Variants in CDH13 observed in about 807,000 individuals in gnomAD.
CDH13 encodes cadherin-13.
A neutral mutation model predicts 63.8 loss-of-function variants in CDH13; 24 were observed. That is an observed-to-expected ratio of 0.38 (90% CI 0.27 to 0.53). The LOEUF is 0.53. Ranked by LOEUF, CDH13 falls within the 20% of genes least tolerant of loss-of-function variation. The pLI, the probability that CDH13 is intolerant of heterozygous loss-of-function variation, is 0.85. For missense variants in CDH13, 1,049 were observed against 903.1 expected (o/e 1.16, Z -2.07); for synonymous variants, 503 against 355.3 (o/e 1.42, Z -4.67).
chr16:83,442,284 C>G (rs1468535414), intron 6 of CDH13, among the ~76,000 whole-genome samples: 3 of 152,210 alleles, frequency 2.0e-5, no homozygotes, highest in Non-Finnish European at 4.4e-5. Flanking sequence ...AGGATCCCAT[C>G]AGCCTTGACG....
At chr16:83,108,606 A>G (rs1314695678) in intron 3 of CDH13, among the ~76,000 whole-genome samples, 1 of 152,120 alleles carries the variant, frequency 6.6e-6, no homozygotes, top group African/African-American at 2.4e-5. Context: ...TTATATAGAA[A>G]GAGTTGGTCG....
intron 8 of CDH13, among the ~76,000 whole-genome samples, chr16:83,645,519 T>C (rs1318058871): frequency 7.3e-6 from 1 of 137,874 alleles, no homozygotes; most frequent in Non-Finnish European, 1.5e-5. Flanking sequence ...TATACCCATA[T>C]AACAAACATG....
At chr16:83,484,633 C>T (rs2073845879) in intron 6 of CDH13, among the ~76,000 whole-genome samples, 1 of 152,216 alleles carries the variant, frequency 6.6e-6, no homozygotes, top group African/African-American at 2.4e-5. Flanking sequence ...CAACATCTTT[C>T]CCGATGACCA....
chr16:83,336,099 G>A (rs371283248), intron 5 of CDH13, among the ~76,000 whole-genome samples: 2 of 151,866 alleles, frequency 1.3e-5, no homozygotes, highest in Non-Finnish European at 2.9e-5. Flanking sequence ...TCAGGAGTTC[G>A]AGACCCGCCT....
chr16:83,128,679 G>C (rs1300520867), intron 4 of CDH13, among the ~76,000 whole-genome samples: 2 of 152,136 alleles, frequency 1.3e-5, no homozygotes, highest in African/African-American at 2.4e-5. Flanking sequence ...GGTATATTTG[G>C]GTGAATTTTC....
chr16:82,873,216 G>T (rs373319654), intron 2 of CDH13, among the ~76,000 whole-genome samples: 3 of 152,148 alleles, frequency 2.0e-5, no homozygotes, highest in East Asian at 1.9e-4. Context: ...GGGTTCTTCA[G>T]TTTGAGATAC....
At chr16:83,618,572 C>A (rs1909509839) in intron 8 of CDH13, among the ~76,000 whole-genome samples, 1 of 152,132 alleles carries the variant, frequency 6.6e-6, no homozygotes, top group Admixed American at 6.5e-5. Context: ...AACCCAGGCT[C>A]CAGCCCTGCA....
intron 4 of CDH13, among the ~76,000 whole-genome samples, chr16:83,165,124 C>T (rs1471453338): frequency 6.6e-6 from 1 of 151,680 alleles, no homozygotes; most frequent in African/African-American, 2.4e-5. Flanking sequence ...AGGGGTTGTC[C>T]TGTAAGAATT....
intron 6 of CDH13, among the ~76,000 whole-genome samples, chr16:83,356,252 G>A (rs1272883842): frequency 6.6e-6 from 1 of 150,872 alleles, no homozygotes; most frequent in Non-Finnish European, 1.5e-5. Context: ...GTGTGTGTGT[G>A]TGTGTGTGTG....
chr16:82,895,459 C>G (rs2041221326), intron 2 of CDH13, among the ~76,000 whole-genome samples: 1 of 152,174 alleles, frequency 6.6e-6, no homozygotes, highest in East Asian at 1.9e-4. Flanking sequence ...GAGTAAAGGC[C>G]CAGACTCACT....
intron 10 of CDH13, among the ~76,000 whole-genome samples, chr16:83,704,568 C>G (rs569985104): frequency 6.6e-6 from 1 of 152,316 alleles, no homozygotes; most frequent in African/African-American, 2.4e-5. Flanking sequence ...GCCCACAGCC[C>G]CGCTGCCACA....
intron 2 of CDH13, among the ~76,000 whole-genome samples, chr16:82,875,052 G>C (rs1406324862): frequency 6.6e-6 from 1 of 152,190 alleles, no homozygotes; most frequent in African/African-American, 2.4e-5. Context: ...AAGGCCTGGA[G>C]TCTGCACATG....
chr16:82,856,687 C>T (rs1171236499), intron 1 of CDH13, among the ~76,000 whole-genome samples: 5 of 57,460 alleles, frequency 8.7e-5, no homozygotes, highest in South Asian at 1.9e-3. Context: ...TGGCAAGACT[C>T]GGTCTCAAAA....
At chr16:83,714,048 C>G (rs1371809168) in intron 10 of CDH13, among the ~76,000 whole-genome samples, 1 of 151,816 alleles carries the variant, frequency 6.6e-6, no homozygotes, top group East Asian at 1.9e-4. Context: ...ATACCCATCG[C>G]TGGCCACTGG....
intron 1 of CDH13, among the ~76,000 whole-genome samples, chr16:82,690,634 A>C (rs760377817): frequency 6.6e-6 from 1 of 152,226 alleles, no homozygotes; most frequent in Admixed American, 6.5e-5. Context: ...AAAGCCTTTC[A>C]TATAGGTGAC....
At chr16:83,709,603 C>T (rs574323830) in intron 10 of CDH13, among the ~76,000 whole-genome samples, 1 of 152,228 alleles carries the variant, frequency 6.6e-6, no homozygotes, top group Non-Finnish European at 1.5e-5. Flanking sequence ...GCATAGAAAG[C>T]CAGTATTCCA....
intron 6 of CDH13, among the ~76,000 whole-genome samples, chr16:83,436,041 C>T (rs547126611): frequency 3.3e-5 from 5 of 152,142 alleles, no homozygotes; most frequent in Admixed American, 1.3e-4. Context: ...ATGCTAGTGG[C>T]GTCTCGCAGG....
rs557374299 is a variant in CDH13 at position 83,001,925 on chromosome 16, C to T, written c.158-30085C>T. ...GGAGAGCTGTACACCTCAGGAACAT[C>T]ATATCATAGAAAAGGGAAGACAAAA... On this transcript the variant is annotated intron_variant, in intron 2 of 13. Transcript: ENST00000567109. Among the ~76,000 whole-genome samples, 9 of 152,244 alleles carry T rather than the reference C, an allele frequency of 5.9e-5. No homozygotes were observed. The South Asian group carries it at 1.2e-3, about 21-fold the overall frequency.
At chr16:83,026,436 A>T (rs1290521436) in intron 2 of CDH13, among the ~76,000 whole-genome samples, 1 of 152,222 alleles carries the variant, frequency 6.6e-6, no homozygotes, top group Non-Finnish European at 1.5e-5. Context: ...ATATTTATAG[A>T]CTGTGCATTC....
Sources: allele counts gnomAD v4.1 joint callset (sites outside exome capture counted in the v4.1 genomes callset), GRCh38; gene constraint gnomAD v4.1.1; transcripts MANE v1.5; gene names NCBI Gene and HGNC (gene_info 2026-07-23, HGNC 2026-07-21).